The following GMIP variants were observed in gnomAD, a reference collection of about 807,000 sequenced individuals.
GMIP encodes GEM interacting protein.
A neutral mutation model predicts 105.3 loss-of-function variants in GMIP; 54 were observed. That is an observed-to-expected ratio of 0.51 (90% CI 0.41 to 0.64). GMIP has a LOEUF of 0.64. Ranked by LOEUF, GMIP falls within the 30% of genes least tolerant of loss-of-function variation. GMIP has a pLI of 0.00. For synonymous variants in GMIP, 541 were observed against 560.8 expected (o/e 0.96, Z 0.50); for missense variants, 1,110 against 1,319.4 (o/e 0.84, Z 2.46).
intron 1 of GMIP, chr19:19,643,021 G>C (rs958463284): frequency 4.9e-6 from 1 of 202,084 alleles, no homozygotes; most frequent in African/African-American, 2.3e-5. Flanking sequence ...AGCCGTGAGG[G>C]ACATAAAGAC....
In GMIP at chr19:19,637,671, G is replaced by C; in HGVS notation, c.928-110C>G. ...CGCGAACGTGGTCAGGGTTTGGGAC[G>C]CACCTGGGCGGCTTAGGAACTAGGG... On this transcript the variant is annotated intron_variant, in intron 10 of 20. Coordinates refer to ENST00000203556, the MANE Select transcript of GMIP (RefSeq NM_016573.4). This position sits in a 1 kb window ranked among gnomAD's most constrained non-coding sequence, Gnocchi z 6.7. The C allele has an allele frequency of 1.0e-6, 1 of 959,576 alleles. No homozygotes were observed. Among genetic ancestry groups the C allele is most frequent in the Non-Finnish European group, 1.5e-6 (1 of 674,190 alleles). The allele number at this position is 959,576 out of a possible 1,614,324, so 59.4% of individuals were successfully genotyped here.
rs751469209 is a variant in GMIP, at chr19:19,634,746, G to T, written c.1888-43C>A. 1 of 1,610,522 alleles carries T rather than the reference G, an allele frequency of 6.2e-7. No homozygotes were observed. Reference sequence around the variant, plus strand: ...GGCGCAACACGAGTGTGGGTGGGCTGTGGAGGGCTCCTGCCCGCGTCCCCC... The same window carrying T: ...GGCGCAACACGAGTGTGGGTGGGCTTTGGAGGGCTCCTGCCCGCGTCCCCC... On this transcript the variant is annotated intron_variant, in intron 17 of 20. Transcript: ENST00000203556. The surrounding 1 kb of genome is among the most constrained non-coding windows in gnomAD (Gnocchi z 6.1).
Position 19,636,800 on chromosome 19 carries a change from G to A in GMIP, c.1238-4C>T. ...CCCGGAGTGGGGCCTGGAGTCCCTA[G>A]GTGGCACAGGTCAATAAGGATGGTC... On this transcript the variant is annotated splice_polypyrimidine_tract_variant and splice_region_variant and intron_variant, in intron 12 of 20. Transcript: ENST00000203556. 1 of 1,608,428 alleles carries A rather than the reference G, an allele frequency of 6.2e-7. No individual in the cohort carries two copies. Among genetic ancestry groups the A allele is most frequent in the Non-Finnish European group, 8.5e-7 (1 of 1,176,482 alleles).
chr19:19,639,495 AG>A (rs1453253652), intron 7 of GMIP, among the ~76,000 whole-genome samples: 3 of 151,996 alleles, frequency 2.0e-5, no homozygotes, highest in African/African-American at 7.3e-5. Flanking sequence ...TTGGAAGCAG[AG>A]ACACCAAGGC....
In GMIP at chr19:19,637,484, G is replaced by A; in HGVS notation, c.1005C>T (p.Cys335=). 1.3e-6 allele frequency: 2 copies of A among 1,541,512 alleles called. No homozygotes were observed. The highest frequency in any genetic ancestry group is 1.7e-6 in the Non-Finnish European group (2 of 1,144,158). Reference sequence around the variant, plus strand: ...GCTGGCCCGGCTCAAAGGGCGCACAGCACTCGGCCAGGGCGGCGAAGGCGC... The same window carrying A: ...GCTGGCCCGGCTCAAAGGGCGCACAACACTCGGCCAGGGCGGCGAAGGCGC... ...GPRAFAALAE[C]CAPFEPGQRY... The change falls in exon 11 of 21, where the codon TGC becomes TGT. Residue 335 remains cysteine, a synonymous_variant. Coordinates refer to ENST00000203556, the MANE Select transcript of GMIP (RefSeq NM_016573.4). This position sits in a 1 kb window ranked among gnomAD's most constrained non-coding sequence, Gnocchi z 6.7.
Position 19,637,855 on chromosome 19 carries a change from G to A in GMIP, c.927+65C>T. 2.0e-6 allele frequency: 3 copies of A among 1,506,978 alleles called. No individual in the cohort carries two copies. Among genetic ancestry groups the A allele is most frequent in the South Asian group, 1.3e-5 (1 of 79,602 alleles). The allele number at this position is 1,506,978 out of a possible 1,614,324, so 93.4% of individuals were successfully genotyped here. A position where few individuals can be genotyped will look rare whatever the true frequency, so the allele number is the denominator to read the frequency against. On this transcript the variant is annotated intron_variant, in intron 10 of 20. Transcript: ENST00000203556. The surrounding 1 kb of genome is among the most constrained non-coding windows in gnomAD (Gnocchi z 6.7). The stretch of plus-strand genomic sequence containing the variant: ...GTCTCCAGGGTGGCTTAGGGGCGAG[G>A]AGTGGGGCACTCAGTCGGGGCCCCA...
At chr19:19,636,878 C>A (rs765939092) in intron 12 of GMIP, 39 bp downstream of exon 12, 3 of 1,549,456 alleles carry the variant, frequency 1.9e-6, no homozygotes, top group African/African-American at 2.7e-5. Flanking sequence ...GTGGAACGAA[C>A]TCCTGGCACC....
Position 19,638,197 on chromosome 19 carries a change from CCTG to C in GMIP, c.748_750del (p.Gln250del). On this transcript the variant is annotated inframe_deletion, in exon 9 of 21. Transcript: ENST00000203556. ...TCCTCTCGCGAGCGCCGCCGCCGCT[CCTG>C]CTGCTTGCTAGGTCCCGGCGAGGCC... 1.3e-6 allele frequency: 2 copies of C among 1,596,200 alleles called. No individual in the cohort carries two copies. The highest frequency in any genetic ancestry group is 1.7e-6 in the Non-Finnish European group (2 of 1,177,764).
chr19:19,636,454 T>C (rs1434960631), intron 13 of GMIP, among the ~76,000 whole-genome samples: 1 of 150,544 alleles, frequency 6.6e-6, no homozygotes, highest in Non-Finnish European at 1.5e-5. Flanking sequence ...ATCTGGGAGG[T>C]GGAGGTTGCA....
intron 13 of GMIP, 87 bp downstream of exon 13, chr19:19,636,620 T>G: frequency 1.1e-6 from 1 of 937,912 alleles, no homozygotes; most frequent in Non-Finnish European, 1.8e-6. Context: ...AGGTCAAAGA[T>G]AGTTAAAGAT....
In GMIP at chr19:19,629,879, TTGGCC is replaced by T; in HGVS notation, c.*79_*83del. 7 of 1,364,256 alleles carry T rather than the reference TTGGCC, an allele frequency of 5.1e-6. No individual in the cohort carries two copies. The highest frequency in any genetic ancestry group is 7.0e-6 in the Non-Finnish European group (7 of 1,006,484). 84.5% of individuals were successfully genotyped at this position (1,364,256 alleles called of 1,614,324 possible). On this transcript the variant is annotated 3_prime_UTR_variant, in exon 21 of 21. Transcript: ENST00000203556. ...CAGCATTGAACTCCTGGCGGGGTGTTTGGCCACTAGGTGGTGGGAGGTAGGGATAT... is the reference window on the plus strand; with the variant it reads ...CAGCATTGAACTCCTGGCGGGGTGTTACTAGGTGGTGGGAGGTAGGGATAT...
chr19:19,642,652 C>T, intron 1 of GMIP, 33 bp from the exon 2 acceptor site: 1 of 1,133,236 alleles, frequency 8.8e-7, no homozygotes, highest in Non-Finnish European at 1.3e-6. Context: ...ATGGGCTAAC[C>T]ACTGCCTCCC....
At chr19:19,642,991 A>G in intron 1 of GMIP, 2 of 211,654 alleles carry the variant, frequency 9.4e-6, no homozygotes, top group South Asian at 1.3e-4. Flanking sequence ...CTGGGGCAGA[A>G]ACACACATGG....
Position 19,637,391 on chromosome 19 carries a change from G to C in GMIP, c.1098C>G (p.Phe366Leu). Residue 366 changes from phenylalanine to leucine, a missense_variant, in exon 11 of 21, where the codon TTC (phenylalanine) becomes TTG (leucine). Physicochemically the swap from Phe to Leu is conservative, Grantham distance 22 (BLOSUM62 0). Around this residue, in one of 3 missense-constraint regions of GMIP, gnomAD observed 667 missense variants for 773.2 expected, o/e 0.86. Transcript: ENST00000203556. This position sits in a 1 kb window ranked among gnomAD's most constrained non-coding sequence, Gnocchi z 6.7. ...TGTTCAAGGAGGGAAGGAACTCCTG[G>C]AAGGAGAAGGCGGGCGGCGGGGGCG... ...APPPPPPAFSFQEFLPSLNSS... is the reference protein window; with the variant it reads ...APPPPPPAFSLQEFLPSLNSS... The C allele has an allele frequency of 1.3e-6, 2 of 1,507,422 alleles. No individual in the cohort carries two copies. Among genetic ancestry groups the C allele is most frequent in the Non-Finnish European group, 1.8e-6 (2 of 1,135,560 alleles). 93.4% of individuals were successfully genotyped at this position (1,507,422 alleles called of 1,614,324 possible). A position where few individuals can be genotyped will look rare whatever the true frequency, so the allele number is the denominator to read the frequency against.
Position 19,630,550 on chromosome 19 carries a change from A to T in GMIP, c.2473-13T>A, listed in dbSNP as rs1319685487. On this transcript the variant is annotated splice_polypyrimidine_tract_variant and intron_variant, in intron 19 of 20. Transcript: ENST00000203556. The surrounding 1 kb of genome is among the most constrained non-coding windows in gnomAD (Gnocchi z 4.8). ...GTGGAGTTGGAATCTGCAGGGAGAA[A>T]CCCAAGAATGAGACCCCAACACTAA... The T allele has an allele frequency of 6.2e-7, 1 of 1,609,880 alleles. No individual in the cohort carries two copies. The highest frequency in any genetic ancestry group is 8.5e-7 in the Non-Finnish European group (1 of 1,176,236).
At position 19,634,635 on chromosome 19, in the gene GMIP, T is replaced by C. The variant is rs1415854765; in HGVS notation, c.1956A>G (p.Ala652=). ...GGGTCCCAGGGTCGTCCCCAGGGTCTGCATGCAAGGTCTTAGCCAGAGAGA... is the reference window on the plus strand; with the variant it reads ...GGGTCCCAGGGTCGTCCCCAGGGTCCGCATGCAAGGTCTTAGCCAGAGAGA... ...AFISLAKTLH[A]DPGDDPGTPS... The change falls in exon 18 of 21, where the codon GCA becomes GCG. Residue 652 remains alanine, a synonymous_variant. Transcript: ENST00000203556. The surrounding 1 kb of genome is among the most constrained non-coding windows in gnomAD (Gnocchi z 6.1). The C allele has an allele frequency of 1.2e-6, 2 of 1,613,174 alleles. No homozygotes were observed. Among genetic ancestry groups the C allele is most frequent in the Admixed American group, 1.7e-5 (1 of 59,726 alleles).
Position 19,630,173 on chromosome 19 carries a change from T to C in GMIP, c.2703A>G (p.Thr901=). 1 of 1,604,100 alleles carries C rather than the reference T, an allele frequency of 6.2e-7. No individual in the cohort carries two copies. Among genetic ancestry groups the C allele is most frequent in the Non-Finnish European group, 8.5e-7 (1 of 1,173,402 alleles). The change falls in exon 21 of 21, where the codon ACA becomes ACG. Residue 901 remains threonine, a synonymous_variant. Coordinates refer to ENST00000203556, the MANE Select transcript of GMIP (RefSeq NM_016573.4). This position sits in a 1 kb window ranked among gnomAD's most constrained non-coding sequence, Gnocchi z 4.8. Reference sequence around the variant, plus strand: ...CCCGCAAACTCCCTCTGGGCACTGATGTGATGGGGGTCTCCTCGCACAGCT... The same window carrying C: ...CCCGCAAACTCCCTCTGGGCACTGACGTGATGGGGGTCTCCTCGCACAGCT... ...ASKLCEETPI[T]SVPRGSLRGR...
At position 19,630,108 on chromosome 19, in the gene GMIP, C is replaced by A. The variant is rs771796330; in HGVS notation, c.2768G>T (p.Ser923Ile). Residue 923 changes from serine (S) to isoleucine (I), a missense_variant, in exon 21 of 21, where the codon AGC becomes ATC. Physicochemically the swap from Ser to Ile is moderately radical, Grantham distance 142 (BLOSUM62 -2). This residue lies in a region of GMIP where 394 missense variants were observed against 450.5 expected (regional missense o/e 0.87). Transcript: ENST00000203556. This position sits in a 1 kb window ranked among gnomAD's most constrained non-coding sequence, Gnocchi z 4.8. ...GGGCAGCGGGGTGCGGCGCAGGGGG[C>A]TGCCCTCAGGGGAGGCAGCTGCAGG... is the stretch of plus-strand genomic sequence containing the variant. Reference protein sequence around the residue: ...PSPAAASPEGSPLRRTPLPKH... With the variant: ...PSPAAASPEGIPLRRTPLPKH... 1.2e-6 allele frequency: 2 copies of A among 1,609,332 alleles called. No homozygotes were observed. The highest frequency in any genetic ancestry group is 8.5e-7 in the Non-Finnish European group (1 of 1,177,836).
intron 4 of GMIP, among the ~76,000 whole-genome samples, chr19:19,641,236 G>T (rs1477297304): frequency 6.6e-6 from 1 of 151,304 alleles, no homozygotes; most frequent in Non-Finnish European, 1.5e-5. Flanking sequence ...ACTCGCCACT[G>T]CGCCCGGCTA....
Sources: allele counts gnomAD v4.1 joint callset (sites outside exome capture counted in the v4.1 genomes callset), GRCh38; gene constraint gnomAD v4.1.1; regional missense constraint gnomAD v4.1.1; non-coding constraint Gnocchi (gnomAD v3.1); transcripts MANE v1.5; gene names NCBI Gene and HGNC (gene_info 2026-07-23, HGNC 2026-07-21).